Variants in STXBP5L observed in about 807,000 individuals in gnomAD.
STXBP5L encodes syntaxin-binding protein 5-like.
Under a neutral mutation model 144.5 loss-of-function variants are expected in STXBP5L, and 65 were observed. The ratio of observed to expected loss-of-function variants is 0.45; its 90% CI spans 0.37 to 0.55. The LOEUF (loss-of-function observed/expected upper bound fraction) is 0.55, where lower values mean the gene tolerates loss of function less well. Ranked by LOEUF, STXBP5L falls within the 20% of genes least tolerant of loss-of-function variation. The probability of loss-of-function intolerance (pLI) is 0.00; values close to 1 mark genes in which losing one functional copy is unlikely to be tolerated. For synonymous variants in STXBP5L, 505 were observed against 469.6 expected, an observed-to-expected ratio of 1.08 and a Z score of -0.97; for missense variants, 1,298 against 1,405.5, an observed-to-expected ratio of 0.92 and a Z score of 1.22.
At chr3:120,997,170 C>T (rs900708300) in intron 3 of STXBP5L, among the ~76,000 whole-genome samples, 1 of 152,138 alleles carries the variant, frequency 6.6e-6, no homozygotes, top group African/African-American at 2.4e-5. Flanking sequence ...ATGTATCACA[C>T]TTCCTTTATC....
At chr3:120,966,595 TG>T (rs1329951843) in intron 3 of STXBP5L, among the ~76,000 whole-genome samples, 1 of 152,168 alleles carries the variant, frequency 6.6e-6, no homozygotes, top group African/African-American at 2.4e-5. Flanking sequence ...CCTGTTTGCC[TG>T]GGTATCACCA....
At chr3:121,236,498 A>G (rs547702693) in intron 12 of STXBP5L, among the ~76,000 whole-genome samples, 14 of 152,184 alleles carry the variant, frequency 9.2e-5, no homozygotes, top group Non-Finnish European at 1.5e-4. Context: ...CAGAAATCAC[A>G]TGGTGAGAAA....
At chr3:121,145,944 A>T (rs942726677) in intron 7 of STXBP5L, among the ~76,000 whole-genome samples, 1 of 152,044 alleles carries the variant, frequency 6.6e-6, no homozygotes. Flanking sequence ...GGATAGAACA[A>T]AAAAGACGAA....
intron 20 of STXBP5L, among the ~76,000 whole-genome samples, chr3:121,375,796 G>C (rs1222798565): frequency 2.6e-5 from 4 of 152,080 alleles, no homozygotes; most frequent in African/African-American, 9.7e-5. Flanking sequence ...TGGATACCAA[G>C]TACTAGTTCT....
At chr3:121,278,884 G>A (rs2050963748) in intron 18 of STXBP5L, among the ~76,000 whole-genome samples, 1 of 151,352 alleles carries the variant, frequency 6.6e-6, no homozygotes, top group Non-Finnish European at 1.5e-5. Context: ...ATGTGAATTA[G>A]CAAAACATCT....
chr3:121,161,083 AG>A (rs1559809338), intron 9 of STXBP5L, among the ~76,000 whole-genome samples: 1 of 152,062 alleles, frequency 6.6e-6, no homozygotes, highest in Non-Finnish European at 1.5e-5. Context: ...TTTAATTAAG[AG>A]GAAAAACAGT....
chr3:121,201,865 C>T (rs778488543), intron 9 of STXBP5L, among the ~76,000 whole-genome samples: 2 of 152,108 alleles, frequency 1.3e-5, no homozygotes, highest in East Asian at 1.9e-4. Flanking sequence ...AAGGGATTCT[C>T]GTGCCTCAGC....
intron 18 of STXBP5L, among the ~76,000 whole-genome samples, chr3:121,270,869 C>A (rs2050715484): frequency 6.6e-6 from 1 of 152,074 alleles, no homozygotes; most frequent in Non-Finnish European, 1.5e-5. Context: ...AGCATTTTGG[C>A]AGGAATACCA....
chr3:121,075,166 G>A (rs1356737085), intron 5 of STXBP5L, among the ~76,000 whole-genome samples: 2 of 152,094 alleles, frequency 1.3e-5, no homozygotes, highest in Non-Finnish European at 2.9e-5. Flanking sequence ...CTGGTGGCAG[G>A]GGGTTCTGGC....
At chr3:121,082,361 T>C (rs1451649578) in intron 5 of STXBP5L, among the ~76,000 whole-genome samples, 2 of 152,160 alleles carry the variant, frequency 1.3e-5, no homozygotes, top group Non-Finnish European at 1.5e-5. Flanking sequence ...ATTTTTTTGA[T>C]TGTGAGTGGT....
chr3:121,118,944 G>C (rs2044342791), intron 6 of STXBP5L, among the ~76,000 whole-genome samples: 1 of 151,418 alleles, frequency 6.6e-6, no homozygotes, highest in Admixed American at 6.6e-5. Flanking sequence ...TGGTATAGAA[G>C]AATAGCAAGA....
At chr3:121,056,345 G>A (rs1258148543) in intron 5 of STXBP5L, among the ~76,000 whole-genome samples, 1 of 151,940 alleles carries the variant, frequency 6.6e-6, no homozygotes, top group Admixed American at 6.6e-5. Context: ...TTCAAATGTA[G>A]GCTACGATAT....
At chr3:120,936,769 C>T (rs1234533729) in intron 2 of STXBP5L, among the ~76,000 whole-genome samples, 3 of 152,016 alleles carry the variant, frequency 2.0e-5, no homozygotes, top group Non-Finnish European at 1.5e-5. Context: ...ACCACCACAC[C>T]CGGCTAATTT....
chr3:121,169,278 CAACT>C (rs758369577), intron 9 of STXBP5L, among the ~76,000 whole-genome samples: 4 of 152,254 alleles, frequency 2.6e-5, no homozygotes, highest in Non-Finnish European at 5.9e-5. Context: ...GAAACTGCAT[CAACT>C]AACAGGCAAA....
chr3:120,993,291 C>T (rs759084375), intron 3 of STXBP5L, among the ~76,000 whole-genome samples: 6 of 152,026 alleles, frequency 3.9e-5, no homozygotes, highest in Admixed American at 3.9e-4. Context: ...GTTTTCTTGG[C>T]TCTGCAGTAG....
chr3:120,936,206 T>G (rs1215824094), intron 2 of STXBP5L, among the ~76,000 whole-genome samples: 1 of 152,204 alleles, frequency 6.6e-6, no homozygotes, highest in African/African-American at 2.4e-5. Flanking sequence ...TCTTTTTGAT[T>G]CTTAGAGTTT....
chr3:121,076,247 G>C (rs1426995913), intron 5 of STXBP5L, among the ~76,000 whole-genome samples: 5 of 152,272 alleles, frequency 3.3e-5, no homozygotes, highest in South Asian at 2.1e-4. Context: ...AAGGGCTCTG[G>C]CTCCTCTCTG....
At chr3:121,129,829 C>A (rs1265593553) in intron 7 of STXBP5L, among the ~76,000 whole-genome samples, 1 of 151,898 alleles carries the variant, frequency 6.6e-6, no homozygotes, top group Non-Finnish European at 1.5e-5. Flanking sequence ...TCATAAGATT[C>A]ATGTTTCAGA....
intron 9 of STXBP5L, among the ~76,000 whole-genome samples, chr3:121,185,161 T>C (rs1418347918): frequency 6.6e-6 from 1 of 152,164 alleles, no homozygotes; most frequent in African/African-American, 2.4e-5. Flanking sequence ...GTAAATTTGT[T>C]TGAGTTAATT....
Sources: allele counts gnomAD v4.1 joint callset (sites outside exome capture counted in the v4.1 genomes callset), GRCh38; gene constraint gnomAD v4.1.1; transcripts MANE v1.5; gene names NCBI Gene and HGNC (gene_info 2026-07-23, HGNC 2026-07-21).